Variants in GC observed in about 807,000 individuals in gnomAD.
GC encodes the protein GC vitamin D binding protein, also known as vitamin D-binding protein.
GC carries 43 observed loss-of-function variants against 56.7 expected under a neutral mutation model. The observed-to-expected ratio is 0.76, with a 90% CI of 0.59 to 0.98. GC has a LOEUF of 0.98. Among genes scored for constraint, GC ranks in the 50% least tolerant of loss-of-function variants. The pLI, the probability that GC is intolerant of heterozygous loss-of-function variation, is 0.00. For synonymous variants in GC, 216 were observed against 202.7 expected, an observed-to-expected ratio of 1.07 and a Z score of -0.56; for missense variants, 529 against 545.9, an observed-to-expected ratio of 0.97 and a Z score of 0.31.
At position 71,772,586 on chromosome 4, in the gene GC, G is replaced by A. The variant is rs150482736; in HGVS notation, c.59-3186C>T. On this transcript the variant is annotated intron_variant, in intron 1 of 12. Coordinates refer to ENST00000273951, the MANE Select transcript of GC (RefSeq NM_000583.4). Reference sequence around the variant, plus strand: ...ATTTAACTATTTGTGTTTGCACACAGCACTTTAGAATTCATGGGCATTATA... The same window carrying A: ...ATTTAACTATTTGTGTTTGCACACAACACTTTAGAATTCATGGGCATTATA... Among the ~76,000 whole-genome samples, 439 of 152,260 alleles carry A rather than the reference G, an allele frequency of 2.9e-3. 2 individuals are homozygous for A. Among genetic ancestry groups the A allele is most frequent in the African/African-American group, 9.4e-3 (392 of 41,578 alleles).
chr4:71,759,475 T>A (rs1275917781), intron 6 of GC: 1 of 152,192 alleles, frequency 6.6e-6, no homozygotes, highest in Non-Finnish European at 1.5e-5. Flanking sequence ...ATAGTGATTA[T>A]CCTAATGGGT....
intron 1 of GC, among the ~76,000 whole-genome samples, chr4:71,780,897 AG>A (rs1416953057): frequency 6.6e-6 from 1 of 152,204 alleles, no homozygotes; most frequent in Non-Finnish European, 1.5e-5. Flanking sequence ...ATATACCCAA[AG>A]GATTTTAAAT....
chr4:71,780,828 T>G (rs892011318), intron 1 of GC, among the ~76,000 whole-genome samples: 3 of 152,044 alleles, frequency 2.0e-5, no homozygotes, highest in Non-Finnish European at 2.9e-5. Flanking sequence ...ACAGTGTGAC[T>G]ATTCCTCAAG....
At chr4:71,747,342 A>AG (rs1189473658) in intron 11 of GC, among the ~76,000 whole-genome samples, 2 of 152,136 alleles carry the variant, frequency 1.3e-5, no homozygotes, top group Non-Finnish European at 2.9e-5. Flanking sequence ...AAAACAGTTG[A>AG]GAAAATGTAG....
intron 4 of GC, among the ~76,000 whole-genome samples, chr4:71,764,926 A>G (rs1011837239): frequency 6.6e-6 from 1 of 152,200 alleles, no homozygotes; most frequent in Non-Finnish European, 1.5e-5. Context: ...ATGTTAAACC[A>G]TAAAAATTTT....
At chr4:71,756,065 ATC>A (rs1741758054) in intron 8 of GC, among the ~76,000 whole-genome samples, 1 of 151,140 alleles carries the variant, frequency 6.6e-6, no homozygotes, top group Admixed American at 6.7e-5. Flanking sequence ...TTTGCATTAA[ATC>A]TCTTTTTAAA....
At chr4:71,797,814 A>G (rs1743145211) in intron 1 of GC, among the ~76,000 whole-genome samples, 1 of 152,236 alleles carries the variant, frequency 6.6e-6, no homozygotes, top group South Asian at 2.1e-4. Context: ...TGAAGATCAT[A>G]TGATTCTCTT....
intron 3 of GC, among the ~76,000 whole-genome samples, chr4:71,766,585 T>C (rs1279152262): frequency 1.3e-5 from 2 of 152,216 alleles, no homozygotes; most frequent in East Asian, 1.9e-4. Context: ...ACTTAATTTA[T>C]AAGTTAGTCA....
rs1741842610 is a variant in GC at position 71,758,054 on chromosome 4, G to A, written c.819C>T (p.Cys273=). 4 of 1,613,084 alleles carry A rather than the reference G, an allele frequency of 2.5e-6. No homozygotes were observed. Among genetic ancestry groups the A allele is most frequent in the Non-Finnish European group, 3.4e-6 (4 of 1,179,384 alleles). ...AAGCTTGTCTTACCTCTTTGGCCAT[G>A]CAATCTTCAGAGGCAGACTCACAGC... ...SKCCESASED[C]MAKELPEHTV... is the part of the protein sequence containing the mutation. Residue 273 remains cysteine (C), a synonymous_variant, in exon 7 of 13, where the codon TGC becomes TGT. Transcript: ENST00000273951.
intron 1 of GC, among the ~76,000 whole-genome samples, chr4:71,771,679 C>CA: frequency 6.6e-6 from 1 of 152,228 alleles, no homozygotes; most frequent in South Asian, 2.1e-4. Flanking sequence ...CCACTTGCAA[C>CA]AAACCTCTGT....
chr4:71,750,433 A>G (rs1329915969), intron 11 of GC, among the ~76,000 whole-genome samples: 1 of 152,222 alleles, frequency 6.6e-6, no homozygotes, highest in East Asian at 1.9e-4. Flanking sequence ...TGATCTTTAT[A>G]GTTTTCTTTG....
chr4:71,781,388 T>C (rs1460261918), intron 1 of GC, among the ~76,000 whole-genome samples: 1 of 147,700 alleles, frequency 6.8e-6, no homozygotes, highest in Non-Finnish European at 1.5e-5. Flanking sequence ...AGTATAACAA[T>C]AATAAAAAAG....
intron 6 of GC, among the ~76,000 whole-genome samples, chr4:71,763,107 C>T (rs770164222): frequency 1.6e-4 from 25 of 151,882 alleles, no homozygotes; most frequent in Non-Finnish European, 2.8e-4. Context: ...TCTTGTTTTG[C>T]TTTTTTGTTT....
At chr4:71,786,490 C>A (rs927421259), upstream of GC, among the ~76,000 whole-genome samples, 19 of 151,718 alleles carry the variant, frequency 1.3e-4, no homozygotes, top group African/African-American at 3.4e-4. Flanking sequence ...ATATATTTAA[C>A]AAGAATTATT....
chr4:71,794,571 T>G (rs1347402770), intron 1 of GC, among the ~76,000 whole-genome samples: 2 of 152,070 alleles, frequency 1.3e-5, no homozygotes, highest in African/African-American at 4.8e-5. Context: ...GTCTAGCTAG[T>G]GGTCTATCAA....
intron 2 of GC, among the ~76,000 whole-genome samples, chr4:71,769,018 T>C (rs930184122): frequency 1.1e-4 from 16 of 152,214 alleles, no homozygotes; most frequent in African/African-American, 3.6e-4. Context: ...CCTCATTGCC[T>C]TGGTTTCCCA....
At chr4:71,768,477 T>C in intron 2 of GC, 44 bp from the exon 3 acceptor site, 1 of 1,541,066 alleles carries the variant, frequency 6.5e-7, no homozygotes, top group Non-Finnish European at 8.8e-7. Flanking sequence ...ACTGAAAGGT[T>C]TTTTTTTTTG....
chr4:71,743,036 G>A (rs1437979574), intron 12 of GC, among the ~76,000 whole-genome samples: 2 of 152,162 alleles, frequency 1.3e-5, no homozygotes, highest in Non-Finnish European at 2.9e-5. Flanking sequence ...TGCAAGTGTG[G>A]CCACAATCAA....
chr4:71,776,367 G>C (rs917157275), intron 1 of GC, among the ~76,000 whole-genome samples: 1 of 151,832 alleles, frequency 6.6e-6, no homozygotes. Flanking sequence ...CAACATGGAT[G>C]ACCCTGGAGA....
Sources: gnomAD v4.1 joint callset for allele counts (sites outside exome capture counted in the v4.1 genomes callset) on GRCh38, gnomAD v4.1.1 for gene constraint, MANE v1.5 for transcripts, NCBI Gene and HGNC (gene_info 2026-07-23, HGNC 2026-07-21) for gene names.